CD274: variants seen among roughly 807,000 people sequenced by gnomAD.
CD274 encodes CD274 molecule.
Under a neutral mutation model 30.1 loss-of-function variants are expected in CD274, and 8 were observed. The ratio of observed to expected loss-of-function variants is 0.27; its 90% confidence interval spans 0.16 to 0.48. CD274 has a LOEUF of 0.48. CD274 is among the 20% of genes least tolerant of loss of function. The pLI, the probability that CD274 is intolerant of heterozygous loss-of-function variation, is 0.99. For synonymous variants in CD274, 152 were observed against 124.6 expected (o/e 1.22, Z -1.46); for missense variants, 353 against 346.6 (o/e 1.02, Z -0.15).
intron 1 of CD274, among the ~76,000 whole-genome samples, chr9:5,452,885 C>T (rs1819232033): frequency 2.0e-5 from 3 of 151,428 alleles, no homozygotes; most frequent in Non-Finnish European, 4.4e-5. Context: ...GGTTATAATG[C>T]TTTGCTTGGC....
At chr9:5,465,752 T>G in intron 5 of CD274, 146 bp downstream of exon 5, 2 of 559,854 alleles carry the variant, frequency 3.6e-6, no homozygotes, top group South Asian at 4.6e-5. Flanking sequence ...TGAAGCTGAG[T>G]GGGATCACTG....
chr9:5,461,794 C>G (rs991821400), intron 3 of CD274, among the ~76,000 whole-genome samples: 1 of 152,092 alleles, frequency 6.6e-6, no homozygotes, highest in Non-Finnish European at 1.5e-5. Context: ...GGGTCCCAAA[C>G]CAATGATCTA....
At chr9:5,455,306 T>A (rs1819280460) in intron 1 of CD274, among the ~76,000 whole-genome samples, 1 of 152,198 alleles carries the variant, frequency 6.6e-6, no homozygotes, top group Admixed American at 6.5e-5. Context: ...TCCGTATTCC[T>A]CATGCTTAAA....
At chr9:5,450,769 A>G (rs1563800721) in intron 1 of CD274, among the ~76,000 whole-genome samples, 173 bp downstream of exon 1, 1 of 152,246 alleles carries the variant, frequency 6.6e-6, no homozygotes, top group Non-Finnish European at 1.5e-5. Context: ...TGGGGTTAAT[A>G]AGAACAGGCA....
rs573692330 is a variant in CD274 at position 5,469,493 on chromosome 9, A to C, written c.*1631A>C. 8.7e-6 allele frequency: 2 copies of C among 230,910 alleles called. No homozygotes were observed. Among genetic ancestry groups the C allele is most frequent in the East Asian group, 6.2e-5 (1 of 16,182 alleles). The allele number at this position is 230,910 out of a possible 1,614,324, so 14.3% of individuals were successfully genotyped here. A position where few individuals can be genotyped will look rare whatever the true frequency, so the allele number is the denominator to read the frequency against. ...TGTATGTTAAAAGCACGTATTTTTA[A>C]AATTTTTTTCCTAAATAGTAACACA... On this transcript the variant is annotated 3_prime_UTR_variant, in exon 7 of 7. Transcript: ENST00000381577.
In CD274 at chr9:5,461,901, G is replaced by C. The variant is rs188537387; in HGVS notation, c.395-933G>C. On this transcript the variant is annotated intron_variant, in intron 3 of 6. Transcript: ENST00000381577. ...CTTAAAATGTAAATATCATAATGTG[G>C]TATCCTAGATAGCATCCCAGAACAG... Among the ~76,000 whole-genome samples, 24 of 152,150 alleles carry C rather than the reference G, an allele frequency of 1.6e-4. No homozygotes were observed. The East Asian group carries it at 4.6e-3, about 29-fold the overall frequency.
Position 5,469,570 on chromosome 9 carries a change from T to C in CD274, c.*1708T>C, listed in dbSNP as rs1179964006. Reference sequence around the variant, plus strand: ...TTTTTATTTATTTTAGTGTTTCTTATATAGCAGATGGAATGAATTTGAAGT... The same window carrying C: ...TTTTTATTTATTTTAGTGTTTCTTACATAGCAGATGGAATGAATTTGAAGT... On this transcript the variant is annotated 3_prime_UTR_variant, in exon 7 of 7. Coordinates refer to ENST00000381577, the MANE Select transcript of CD274 (RefSeq NM_014143.4). The C allele has an allele frequency of 8.6e-6, 2 of 231,926 alleles. No homozygotes were observed. Among genetic ancestry groups the C allele is most frequent in the Non-Finnish European group, 1.7e-5 (2 of 117,314 alleles). 14.4% of individuals were successfully genotyped at this position (231,926 alleles called of 1,614,324 possible). A position where few individuals can be genotyped will look rare whatever the true frequency, so the allele number is the denominator to read the frequency against.
chr9:5,465,404 G>C, intron 4 of CD274, 95 bp from the exon 5 acceptor site: 1 of 693,514 alleles, frequency 1.4e-6, no homozygotes, highest in South Asian at 1.7e-5. Context: ...TTATCCTAAA[G>C]CTAAACTAAA....
chr9:5,457,161 AAAAC>A lies in CD274; in HGVS notation c.138_141del (p.Lys46AsnfsTer2). On this transcript the variant is annotated frameshift_variant, in exon 3 of 7. Transcript: ENST00000381577. LOFTEE classifies it high-confidence loss of function. ...CAATTGAATGCAAATTCCCAGTAGA[AAAAC>A]AATTAGACCTGGCTGCACTAATTGT... 6.2e-7 allele frequency: 1 copy of A among 1,614,044 alleles called. No individual in the cohort carries two copies. The highest frequency in any genetic ancestry group is 8.5e-7 in the Non-Finnish European group (1 of 1,179,856).
chr9:5,456,013 C>A (rs1275282725), intron 1 of CD274, 87 bp from the exon 2 acceptor site: 4 of 787,438 alleles, frequency 5.1e-6, no homozygotes, highest in Non-Finnish European at 8.9e-6. Context: ...AAGACTATTT[C>A]AGTTAGAACC....
intron 4 of CD274, among the ~76,000 whole-genome samples, chr9:5,465,240 C>G (rs1819477104): frequency 6.6e-6 from 1 of 152,220 alleles, no homozygotes; most frequent in Non-Finnish European, 1.5e-5. Flanking sequence ...GGTTAAGTAT[C>G]TTGCCCAAGA....
At chr9:5,452,271 C>A (rs1402028642) in intron 1 of CD274, among the ~76,000 whole-genome samples, 1 of 152,180 alleles carries the variant, frequency 6.6e-6, no homozygotes, top group Non-Finnish European at 1.5e-5. Flanking sequence ...CCTGCCTCGG[C>A]CTCCCAAAGT....
chr9:5,456,180 C>A lies in CD274; in HGVS notation c.52+15C>A, dbSNP rs765210751. 6.5e-7 allele frequency: 1 copy of A among 1,544,758 alleles called. No homozygotes were observed. Among genetic ancestry groups the A allele is most frequent in the Non-Finnish European group, 8.9e-7 (1 of 1,118,322 alleles). ...TTTGCTGAACGGTAAGACACCAAATCCTTCCATTAGGTTCTATATTTTAAA... is the reference window on the plus strand; with the variant it reads ...TTTGCTGAACGGTAAGACACCAAATACTTCCATTAGGTTCTATATTTTAAA... On this transcript the variant is annotated intron_variant, in intron 2 of 6. Coordinates refer to ENST00000381577, the MANE Select transcript of CD274 (RefSeq NM_014143.4).
intron 4 of CD274, 73 bp from the exon 5 acceptor site, chr9:5,465,426 A>G (rs1490712710): frequency 9.6e-6 from 8 of 829,362 alleles, no homozygotes; most frequent in Non-Finnish European, 1.6e-5. Flanking sequence ...TTCAAGGATG[A>G]CCATTCTCCT....
intron 3 of CD274, among the ~76,000 whole-genome samples, chr9:5,460,749 A>G (rs529690014): frequency 3.0e-4 from 45 of 152,258 alleles, no homozygotes; most frequent in Non-Finnish European, 6.0e-4. Context: ...CTTGGTTTTG[A>G]TTGTCCAACA....
rs141158444 is a variant in CD274, at chr9:5,464,082, G to A, written c.682+961G>A. 2.0e-3 allele frequency among the ~76,000 whole-genome samples: 309 copies of A among 152,234 alleles called. 1 individual carries two copies. Among genetic ancestry groups the A allele is most frequent in the Non-Finnish European group, 3.3e-3 (225 of 67,998 alleles). ...AATTAGATAGAAAAGTCAATCAATA[G>A]GAAAAGATAATCCAGGACGGTGTTG... On this transcript the variant is annotated intron_variant, in intron 4 of 6. Coordinates refer to ENST00000381577, the MANE Select transcript of CD274 (RefSeq NM_014143.4).
At chr9:5,460,107 G>A (rs758096700) in intron 3 of CD274, among the ~76,000 whole-genome samples, 1 of 152,024 alleles carries the variant, frequency 6.6e-6, no homozygotes, top group Non-Finnish European at 1.5e-5. Context: ...GTGGTGGTAC[G>A]AAAAGAGCAC....
At chr9:5,457,466 A>G (rs779508639) in intron 3 of CD274, 46 bp downstream of exon 3, 4 of 1,487,992 alleles carry the variant, frequency 2.7e-6, no homozygotes, top group Admixed American at 1.8e-5. Context: ...TTGAAAACAT[A>G]TTCCAAGTGT....
intron 1 of CD274, among the ~76,000 whole-genome samples, chr9:5,452,068 C>T (rs1417043031): frequency 3.3e-5 from 5 of 150,120 alleles, no homozygotes; most frequent in African/African-American, 9.8e-5. Context: ...CTCTGTTGCC[C>T]ATGCTGGAGT....
Sources: allele counts gnomAD v4.1 joint callset (sites outside exome capture counted in the v4.1 genomes callset), GRCh38; gene constraint gnomAD v4.1.1; transcripts MANE v1.5; gene names NCBI Gene and HGNC (gene_info 2026-07-23, HGNC 2026-07-21).